The following HSDL2 variants were observed in gnomAD, a reference collection of about 807,000 sequenced individuals.
HSDL2 encodes hydroxysteroid dehydrogenase-like protein 2.
Under a neutral mutation model 46.3 loss-of-function variants are expected in HSDL2, and 27 were observed. The observed-to-expected ratio is 0.58, with a 90% confidence interval of 0.43 to 0.80. HSDL2 has a LOEUF of 0.80. Ranked by LOEUF, HSDL2 falls within the 30% of genes least tolerant of loss-of-function variation. The pLI is 0.00. For missense variants in HSDL2, 451 were observed against 502.7 expected (o/e 0.90, Z 0.98); for synonymous variants, 153 against 163.6 (o/e 0.94, Z 0.50).
intron 6 of HSDL2, 126 bp from the exon 7 acceptor site, chr9:112,438,305 T>C: frequency 1.5e-6 from 1 of 688,276 alleles, no homozygotes; most frequent in Non-Finnish European, 2.1e-6. Context: ...GACTTTGTTT[T>C]CATCAGCTAA....
chr9:112,453,969 C>CA, intron 8 of HSDL2, 44 bp from the exon 9 acceptor site: 1 of 1,581,700 alleles, frequency 6.3e-7, no homozygotes, highest in Non-Finnish European at 8.6e-7. Context: ...TGGGGTCCTT[C>CA]ACTGCCAAGC....
Position 112,436,827 on chromosome 9 carries a change from G to A in HSDL2, c.599-1604G>A, listed in dbSNP as rs193012182. ...TAGAGTTTAAAGTTACTTCACATAA[G>A]AGACATAATTTTAAAAGTACACCTA... On this transcript the variant is annotated intron_variant, in intron 6 of 10. Coordinates refer to ENST00000398805, the MANE Select transcript of HSDL2 (RefSeq NM_032303.5). Among the ~76,000 whole-genome samples the A allele has an allele frequency of 1.1e-3, 163 of 152,060 alleles. 2 individuals carry two copies. The South Asian group carries it at 0.015, about 14-fold the overall frequency.
intron 1 of HSDL2, among the ~76,000 whole-genome samples, chr9:112,392,677 G>A (rs1337303481): frequency 6.6e-6 from 1 of 152,116 alleles, no homozygotes; most frequent in Non-Finnish European, 1.5e-5. Flanking sequence ...AGACCTTATG[G>A]TTGTCTTCCC....
chr9:112,421,044 A>G (rs149538312), intron 6 of HSDL2, among the ~76,000 whole-genome samples: 2 of 152,332 alleles, frequency 1.3e-5, no homozygotes, highest in African/African-American at 4.8e-5. Flanking sequence ...TTAAAAATGT[A>G]ACAGGCCAGT....
intron 1 of HSDL2, 51 bp downstream of exon 1, chr9:112,380,231 G>A (rs894526433): frequency 1.3e-6 from 2 of 1,515,678 alleles, no homozygotes; most frequent in Non-Finnish European, 8.9e-7. Flanking sequence ...CGAAGGGCGC[G>A]TCTCGGTGGG....
At chr9:112,395,365 G>C (rs1298712736) in intron 1 of HSDL2, among the ~76,000 whole-genome samples, 1 of 152,198 alleles carries the variant, frequency 6.6e-6, no homozygotes, top group East Asian at 1.9e-4. Context: ...CACCCAGACA[G>C]GGGATTGATG....
chr9:112,416,105 CAAA>C (rs35263826), intron 4 of HSDL2, among the ~76,000 whole-genome samples: 2,364 of 131,984 alleles, frequency 0.018, 54 homozygotes, highest in African/African-American at 0.063. Flanking sequence ...GACTCCGTCT[CAAA>C]AAAAAAAAAA....
In HSDL2 at chr9:112,408,954, A is replaced by G. The variant is rs758647993; in HGVS notation, c.328A>G (p.Thr110Ala). The G allele has an allele frequency of 6.2e-7, 1 of 1,606,390 alleles. No individual in the cohort carries two copies. The highest frequency in any genetic ancestry group is 1.1e-5 in the South Asian group (1 of 90,584). ...NNASAISLTNTLDTPTKRLDL... is the reference protein window; with the variant it reads ...NNASAISLTNALDTPTKRLDL... ...TGCCAGTGCCATTAGTTTGACCAATACATTGGACACACCTACCAAGAGATT... is the reference window on the plus strand; with the variant it reads ...TGCCAGTGCCATTAGTTTGACCAATGCATTGGACACACCTACCAAGAGATT... The change falls in exon 4 of 11, where the codon ACA becomes GCA. Residue 110 changes from threonine (T) to alanine (A), a missense_variant. Coordinates refer to ENST00000398805, the MANE Select transcript of HSDL2 (RefSeq NM_032303.5).
chr9:112,467,997 G>C (rs927248597), intron 10 of HSDL2, among the ~76,000 whole-genome samples: 4 of 151,438 alleles, frequency 2.6e-5, no homozygotes, highest in African/African-American at 9.7e-5. Context: ...ATACATTAGA[G>C]ATAATTTTTG....
chr9:112,405,988 C>T (rs1831717392), intron 3 of HSDL2, among the ~76,000 whole-genome samples: 1 of 151,894 alleles, frequency 6.6e-6, no homozygotes, highest in South Asian at 2.1e-4. Context: ...TGGTGAAACC[C>T]CGTCTCTACT....
chr9:112,422,615 G>C (rs1332301410), intron 6 of HSDL2, among the ~76,000 whole-genome samples: 4 of 152,108 alleles, frequency 2.6e-5, no homozygotes, highest in African/African-American at 4.8e-5. Context: ...AGACACATCC[G>C]GGGAACTTCA....
At chr9:112,448,777 G>A (rs555925965) in intron 8 of HSDL2, among the ~76,000 whole-genome samples, 9 of 151,822 alleles carry the variant, frequency 5.9e-5, no homozygotes, top group African/African-American at 1.4e-4. Context: ...GGATGGTCTC[G>A]ATCTCCTGAC....
intron 1 of HSDL2, among the ~76,000 whole-genome samples, chr9:112,398,353 GCT>G (rs1831506518): frequency 6.6e-6 from 1 of 151,914 alleles, no homozygotes; most frequent in African/African-American, 2.4e-5. Context: ...CCATCAGATG[GCT>G]CCGGAAGCAA....
chr9:112,460,131 C>T (rs1833159231), intron 10 of HSDL2, among the ~76,000 whole-genome samples: 1 of 152,172 alleles, frequency 6.6e-6, no homozygotes. Context: ...CTTTTCTACT[C>T]TTAGAAAACT....
At chr9:112,411,881 C>G (rs1404644322) in intron 4 of HSDL2, among the ~76,000 whole-genome samples, 2 of 152,100 alleles carry the variant, frequency 1.3e-5, no homozygotes, top group Non-Finnish European at 2.9e-5. Context: ...TTTGTTTAAA[C>G]AAATGCTTAA....
intron 1 of HSDL2, among the ~76,000 whole-genome samples, chr9:112,382,939 A>T: frequency 7.5e-6 from 1 of 133,388 alleles, no homozygotes. Context: ...TTAAACCAAG[A>T]TCTTTTTTTT....
At position 112,420,751 on chromosome 9, in the gene HSDL2, AG is replaced by A. The variant is rs1183728366; in HGVS notation, c.598+1796del. Among the ~76,000 whole-genome samples, 6 of 152,306 alleles carry A rather than the reference AG, an allele frequency of 3.9e-5. No individual in the cohort carries two copies. The East Asian group carries it at 1.2e-3, about 29-fold the overall frequency. On this transcript the variant is annotated intron_variant, in intron 6 of 10. Transcript: ENST00000398805. ...ACATCATATACATTTCTGTTACATTAGGGTTTTCCCATTTGTCCCGAGAATA... is the reference window on the plus strand; with the variant it reads ...ACATCATATACATTTCTGTTACATTAGGTTTTCCCATTTGTCCCGAGAATA...
At chr9:112,416,378 G>A (rs1247217361) in intron 4 of HSDL2, among the ~76,000 whole-genome samples, 1 of 151,828 alleles carries the variant, frequency 6.6e-6, no homozygotes. Flanking sequence ...ACAATGAGAT[G>A]TGATCATGCC....
intron 1 of HSDL2, among the ~76,000 whole-genome samples, chr9:112,400,977 T>C (rs1271456624): frequency 6.6e-6 from 1 of 152,224 alleles, no homozygotes; most frequent in African/African-American, 2.4e-5. Flanking sequence ...GGTCACCTTC[T>C]GAAGTTAGGA....
Sources: gnomAD v4.1 joint callset for allele counts (sites outside exome capture counted in the v4.1 genomes callset) on GRCh38, gnomAD v4.1.1 for gene constraint, MANE v1.5 for transcripts, NCBI Gene and HGNC (gene_info 2026-07-23, HGNC 2026-07-21) for gene names.